ESR2: variants seen among roughly 807,000 people sequenced by gnomAD.
ESR2 encodes the protein estrogen receptor 2, also known as estrogen receptor beta.
Under a neutral mutation model 49.6 loss-of-function variants are expected in ESR2, and 36 were observed. The ratio of observed to expected loss-of-function variants is 0.73; its 90% CI spans 0.56 to 0.96. ESR2 has a LOEUF of 0.96. Among genes scored for constraint, ESR2 ranks in the 40% least tolerant of loss-of-function variants. ESR2 has a pLI of 0.00. For synonymous variants in ESR2, 320 were observed against 266.1 expected (o/e 1.20, Z -1.97); for missense variants, 714 against 693.0 (o/e 1.03, Z -0.34).
At chr14:64,240,249 CAGG>C (rs1189011405) in intron 7 of ESR2, among the ~76,000 whole-genome samples, 7 of 152,250 alleles carry the variant, frequency 4.6e-5, no homozygotes, top group Non-Finnish European at 1.0e-4. Context: ...CCAAACTATG[CAGG>C]AGACCATCGT....
At position 64,230,209 on chromosome 14, in the gene ESR2, A is replaced by T. The variant is rs2098725920; in HGVS notation, c.*2928T>A. 6.6e-6 allele frequency among the ~76,000 whole-genome samples: 1 copy of T among 152,108 alleles called. No homozygotes were observed. The highest frequency in any genetic ancestry group is 1.5e-5 in the Non-Finnish European group (1 of 68,008). On this transcript the variant is annotated 3_prime_UTR_variant, in exon 9 of 9. Coordinates refer to ENST00000341099, the MANE Select transcript of ESR2 (RefSeq NM_001437.3). ...TCAGACCCTGTCTCAAAAAAAAAAA[A>T]AAAAAGGTGTCAAATCTTATTAAGT... is the stretch of plus-strand genomic sequence containing the variant.
rs2098727135 is a variant in ESR2, at chr14:64,231,420, A to C, written c.*1717T>G. On this transcript the variant is annotated 3_prime_UTR_variant, in exon 9 of 9. Coordinates refer to ENST00000341099, the MANE Select transcript of ESR2 (RefSeq NM_001437.3). ...ATGAAACCAAGCTTATCCTGCCTGT[A>C]CTAAATCTTACTAAAGCTGTAACTG... 1 of 152,210 alleles carries C rather than the reference A, an allele frequency of 6.6e-6. No homozygotes were observed. Among genetic ancestry groups the C allele is most frequent in the Non-Finnish European group, 1.5e-5 (1 of 68,040 alleles). The allele number at this position is 152,210 out of a possible 1,614,324, so 9.4% of individuals were successfully genotyped here. A position where few individuals can be genotyped will look rare whatever the true frequency, so the allele number is the denominator to read the frequency against.
chr14:64,296,899 T>C (rs892303104), upstream of ESR2, among the ~76,000 whole-genome samples: 2 of 152,196 alleles, frequency 1.3e-5, no homozygotes, highest in Admixed American at 6.5e-5. Flanking sequence ...TACCCAGAGA[T>C]GGAAACTTTG....
At chr14:64,254,774 C>A (rs1386525913) in intron 6 of ESR2, among the ~76,000 whole-genome samples, 1 of 143,494 alleles carries the variant, frequency 7.0e-6, no homozygotes, top group African/African-American at 2.6e-5. Flanking sequence ...AAAAAACAAA[C>A]AAACAAAAAC....
chr14:64,314,008 C>A, intron 1 of ESR2, among the ~76,000 whole-genome samples: 1 of 152,074 alleles, frequency 6.6e-6, no homozygotes, highest in East Asian at 1.9e-4. Context: ...AACTCAACCA[C>A]ACCAGCATCA....
At chr14:64,253,598 G>GTATATGTA (rs2076035275) in intron 6 of ESR2, among the ~76,000 whole-genome samples, 4 of 131,460 alleles carry the variant, frequency 3.0e-5, no homozygotes, top group African/African-American at 1.2e-4. Flanking sequence ...GTGTGTGTGT[G>GTATATGTA]TGTGTGTATG....
chr14:64,324,462 T>C (rs2077365568), intron 1 of ESR2, among the ~76,000 whole-genome samples: 3 of 152,228 alleles, frequency 2.0e-5, no homozygotes. Context: ...GAATAATAAA[T>C]AGTTAATTTC....
intron 1 of ESR2, among the ~76,000 whole-genome samples, chr14:64,306,234 A>G (rs542178378): frequency 6.6e-6 from 1 of 152,238 alleles, no homozygotes; most frequent in East Asian, 1.9e-4. Flanking sequence ...GAAAGTAAAA[A>G]GAAAAAGAAT....
intron 7 of ESR2, among the ~76,000 whole-genome samples, chr14:64,248,857 G>A (rs1302841078): frequency 1.7e-4 from 26 of 151,958 alleles, no homozygotes; most frequent in Admixed American, 1.7e-3. Flanking sequence ...GGAAGCCAGA[G>A]TGACCTTTCT....
intron 3 of ESR2, among the ~76,000 whole-genome samples, chr14:64,271,610 G>A (rs2076448316): frequency 6.6e-6 from 1 of 152,210 alleles, no homozygotes; most frequent in Non-Finnish European, 1.5e-5. Flanking sequence ...ACAGGCATGA[G>A]GCACTGCAAT....
intron 1 of ESR2, among the ~76,000 whole-genome samples, chr14:64,323,480 A>G (rs1265423730): frequency 6.6e-6 from 1 of 151,992 alleles, no homozygotes; most frequent in Non-Finnish European, 1.5e-5. Flanking sequence ...TGTTGAGATT[A>G]CAGGTGTGAG....
intron 7 of ESR2, among the ~76,000 whole-genome samples, chr14:64,240,959 A>G (rs1419298366): frequency 6.6e-6 from 1 of 151,748 alleles, no homozygotes; most frequent in Non-Finnish European, 1.5e-5. Flanking sequence ...CCTGGCTAAC[A>G]CGGTGAAACC....
At chr14:64,313,592 GAAAA>G (rs2077210230) in intron 1 of ESR2, among the ~76,000 whole-genome samples, 1 of 149,208 alleles carries the variant, frequency 6.7e-6, no homozygotes, top group Admixed American at 6.7e-5. Flanking sequence ...AGAAAGAAAA[GAAAA>G]AAGAAAGAAG....
chr14:64,301,334 T>C (rs889104429), intron 1 of ESR2: 1 of 152,234 alleles, frequency 6.6e-6, no homozygotes, highest in African/African-American at 2.4e-5. Context: ...TGGGTTCTTC[T>C]GAGAGAGTTA....
At chr14:64,251,404 A>G (rs78882591) in intron 6 of ESR2, among the ~76,000 whole-genome samples, 2 of 117,310 alleles carry the variant, frequency 1.7e-5, no homozygotes, top group South Asian at 5.1e-4. Flanking sequence ...ACACACATGC[A>G]CAATACATAC....
Position 64,245,304 on chromosome 14 carries a change from G to T in ESR2, c.1225+4242C>A, listed in dbSNP as rs556524270. Reference sequence around the variant, plus strand: ...CGAGGCAAGCGGATCACGAGGTCAGGAGTTCGAGACCAGCCTGGCCAACAT... The same window carrying T: ...CGAGGCAAGCGGATCACGAGGTCAGTAGTTCGAGACCAGCCTGGCCAACAT... On this transcript the variant is annotated intron_variant, in intron 7 of 8. Coordinates refer to ENST00000341099, the MANE Select transcript of ESR2 (RefSeq NM_001437.3). 2.6e-5 allele frequency among the ~76,000 whole-genome samples: 4 copies of T among 152,126 alleles called. No homozygotes were observed. In the East Asian group the frequency reaches 7.7e-4, roughly 29 times the overall value.
chr14:64,336,139 C>A (rs1248620232), intron 1 of ESR2: 1 of 152,110 alleles, frequency 6.6e-6, no homozygotes, highest in Non-Finnish European at 1.5e-5. Flanking sequence ...GCATAAGCCA[C>A]TGTTCCTGGA....
At chr14:64,250,386 T>C (rs2075963663) in intron 6 of ESR2, among the ~76,000 whole-genome samples, 1 of 152,214 alleles carries the variant, frequency 6.6e-6, no homozygotes, top group Admixed American at 6.5e-5. Context: ...CAAAATTCTT[T>C]GGAGCACTCC....
chr14:64,293,321 AAT>A (rs2076903109), intron 1 of ESR2, among the ~76,000 whole-genome samples: 1 of 152,246 alleles, frequency 6.6e-6, no homozygotes, highest in African/African-American at 2.4e-5. Flanking sequence ...AAATACTAGA[AAT>A]ATAACAAAAT....
Sources: gnomAD v4.1 joint callset for allele counts (sites outside exome capture counted in the v4.1 genomes callset) on GRCh38, gnomAD v4.1.1 for gene constraint, MANE v1.5 for transcripts, NCBI Gene and HGNC (gene_info 2026-07-23, HGNC 2026-07-21) for gene names.